APLP2: variants seen among roughly 807,000 people sequenced by gnomAD.
APLP2 encodes amyloid beta precursor like protein 2, also known as CDEI box-binding protein.
In APLP2, 53 loss-of-function variants were observed where a neutral mutation model predicts 89.9. The observed-to-expected ratio is 0.59, with a 90% CI of 0.47 to 0.74. APLP2 has a LOEUF of 0.74. APLP2 is among the 30% of genes least tolerant of loss of function. APLP2 has a pLI of 0.00. For synonymous variants in APLP2, 372 were observed against 348.6 expected (o/e 1.07, Z -0.75); for missense variants, 973 against 975.9 (o/e 1.00, Z 0.04).
At chr11:130,082,179 ATT>A (rs79862906) in intron 1 of APLP2, among the ~76,000 whole-genome samples, 2 of 147,808 alleles carry the variant, frequency 1.4e-5, no homozygotes, top group African/African-American at 2.5e-5. Flanking sequence ...TCAAAACTTC[ATT>A]TTTTTTTTTG....
chr11:130,117,270 GAATT>G (rs1489918353), intron 3 of APLP2, among the ~76,000 whole-genome samples: 1 of 152,174 alleles, frequency 6.6e-6, no homozygotes, highest in East Asian at 1.9e-4. Context: ...GTTTAGCATG[GAATT>G]AATTATTTTA....
At chr11:130,087,841 A>G (rs1439095839) in intron 1 of APLP2, among the ~76,000 whole-genome samples, 1 of 152,218 alleles carries the variant, frequency 6.6e-6, no homozygotes, top group Non-Finnish European at 1.5e-5. Context: ...CATTAAAAAA[A>G]ATCCTGCTGG....
intron 1 of APLP2, among the ~76,000 whole-genome samples, chr11:130,099,182 T>C (rs1341756833): frequency 2.0e-5 from 3 of 152,204 alleles, no homozygotes; most frequent in African/African-American, 4.8e-5. Flanking sequence ...GTATGAGAAA[T>C]GTCTGGTTTG....
intron 1 of APLP2, among the ~76,000 whole-genome samples, chr11:130,097,057 ATTTACT>A (rs1362938437): frequency 1.3e-5 from 2 of 152,206 alleles, no homozygotes; most frequent in African/African-American, 4.8e-5. Flanking sequence ...ATACAGTCTG[ATTTACT>A]TTTAAATTTA....
rs1295534368 is a variant in APLP2, at chr11:130,070,354, A to G, written c.105+272A>G. On this transcript the variant is annotated intron_variant, in intron 1 of 16. Coordinates refer to ENST00000338167, the MANE Select transcript of APLP2 (RefSeq NM_001142276.2). Reference sequence around the variant, plus strand: ...GTCCGCCTCGGCCGACCCAGCCCCCAACCCGCCCGCGGCGCCGCCACCTCC... The same window carrying G: ...GTCCGCCTCGGCCGACCCAGCCCCCGACCCGCCCGCGGCGCCGCCACCTCC... 2.6e-5 allele frequency among the ~76,000 whole-genome samples: 4 copies of G among 151,030 alleles called. No individual in the cohort carries two copies. The East Asian group carries it at 7.8e-4, about 30-fold the overall frequency.
rs762251511 is a variant in APLP2, at chr11:130,121,599, G to T, written c.517-15G>T. 9 of 1,609,042 alleles carry T rather than the reference G, an allele frequency of 5.6e-6. No individual in the cohort carries two copies. Among genetic ancestry groups the T allele is most frequent in the Non-Finnish European group, 7.6e-6 (9 of 1,176,658 alleles). ...TCTGGAGTATGTTCTGATGTGGCCT[G>T]TGGGTTTCTTTTAGGCATGTCTGAC... On this transcript the variant is annotated splice_polypyrimidine_tract_variant and intron_variant, in intron 4 of 16. Coordinates refer to ENST00000338167, the MANE Select transcript of APLP2 (RefSeq NM_001142276.2).
At chr11:130,130,660 A>T (rs967518059) in intron 11 of APLP2, among the ~76,000 whole-genome samples, 4 of 152,216 alleles carry the variant, frequency 2.6e-5, no homozygotes, top group African/African-American at 9.6e-5. Flanking sequence ...TGTATTCATA[A>T]AAATGAGCTT....
At chr11:130,095,319 C>T (rs1160137054) in intron 1 of APLP2, among the ~76,000 whole-genome samples, 1 of 152,230 alleles carries the variant, frequency 6.6e-6, no homozygotes, top group Non-Finnish European at 1.5e-5. Flanking sequence ...CTGCAGTGAC[C>T]TATCATTGCA....
intron 16 of APLP2, among the ~76,000 whole-genome samples, chr11:130,142,747 G>C (rs1256277269): frequency 6.6e-6 from 1 of 152,142 alleles, no homozygotes; most frequent in Non-Finnish European, 1.5e-5. Flanking sequence ...CCACCTAGCT[G>C]AGACTACAGG....
intron 1 of APLP2, among the ~76,000 whole-genome samples, chr11:130,079,909 C>T (rs948369845): frequency 1.3e-5 from 2 of 152,088 alleles, no homozygotes; most frequent in Non-Finnish European, 2.9e-5. Context: ...TCTAAGTTTG[C>T]CAAAGATTCT....
chr11:130,109,898 C>T (rs976402130), intron 2 of APLP2: 1 of 306,556 alleles, frequency 3.3e-6, no homozygotes, highest in South Asian at 9.0e-5. Flanking sequence ...AGATGGAAAA[C>T]AAAACATGTC....
rs369862648 is a variant in APLP2 at position 130,072,074 on chromosome 11, C to T, written c.105+1992C>T. 4.6e-5 allele frequency among the ~76,000 whole-genome samples: 7 copies of T among 152,300 alleles called. No individual in the cohort carries two copies. In the East Asian group the frequency reaches 1.4e-3, roughly 29 times the overall value. Reference sequence around the variant, plus strand: ...GGCACAGAATTATTGATTGGCAAATCTTTAGTGTTGCTTGGTGTTGACTGA... The same window carrying T: ...GGCACAGAATTATTGATTGGCAAATTTTTAGTGTTGCTTGGTGTTGACTGA... On this transcript the variant is annotated intron_variant, in intron 1 of 16. Coordinates refer to ENST00000338167, the MANE Select transcript of APLP2 (RefSeq NM_001142276.2).
intron 2 of APLP2, chr11:130,109,928 A>G (rs1383889815): frequency 8.0e-6 from 2 of 250,220 alleles, no homozygotes; most frequent in Non-Finnish European, 1.5e-5. Flanking sequence ...ACAGAAAGCC[A>G]CCAGTATTGT....
At chr11:130,091,085 G>A (rs1944997974) in intron 1 of APLP2, among the ~76,000 whole-genome samples, 1 of 142,168 alleles carries the variant, frequency 7.0e-6, no homozygotes, top group Non-Finnish European at 1.5e-5. Context: ...CTGGCCGGGC[G>A]GGGGGCTGAC....
In APLP2 at chr11:130,137,831, A is replaced by G. The variant is rs76673493; in HGVS notation, c.1837+2116A>G. The stretch of plus-strand genomic sequence containing the variant: ...CCAATGGATCAAACAGCTGGAGACA[A>G]CCCAGCTCACTGTACTGAGTCTCCA... On this transcript the variant is annotated intron_variant, in intron 13 of 16. Transcript: ENST00000338167. 8.1e-4 allele frequency among the ~76,000 whole-genome samples: 123 copies of G among 152,244 alleles called. No homozygotes were observed. The East Asian group carries it at 0.022, about 27-fold the overall frequency.
chr11:130,089,750 A>G (rs937470636), intron 1 of APLP2, among the ~76,000 whole-genome samples: 1 of 152,252 alleles, frequency 6.6e-6, no homozygotes, highest in East Asian at 1.9e-4. Context: ...AGGCACTAAC[A>G]AAGGGCCTGT....
intron 1 of APLP2, among the ~76,000 whole-genome samples, chr11:130,097,486 G>A (rs1946362014): frequency 6.6e-6 from 1 of 152,180 alleles, no homozygotes; most frequent in African/African-American, 2.4e-5. Context: ...TTGAGGCTGG[G>A]AGTACAAGAC....
At position 130,135,672 on chromosome 11, in the gene APLP2, G is replaced by A. The variant is rs140319879; in HGVS notation, c.1794G>A (p.Pro598=). Reference sequence around the variant, plus strand: ...CTGAGGAGAGTGAGGAGATCCCACCGTTCCACCCCTTCCACCCCTTCCCAG... The same window carrying A: ...CTGAGGAGAGTGAGGAGATCCCACCATTCCACCCCTTCCACCCCTTCCCAG... ...VSSEESEEIP[P]FHPFHPFPAL... is the part of the protein sequence containing the mutation. Residue 598 remains proline, a synonymous_variant, in exon 13 of 17, where the codon CCG becomes CCA. Coordinates refer to ENST00000338167, the MANE Select transcript of APLP2 (RefSeq NM_001142276.2). 24 of 1,614,024 alleles carry A rather than the reference G, an allele frequency of 1.5e-5. No homozygotes were observed. Among genetic ancestry groups the A allele is most frequent in the South Asian group, 5.5e-5 (5 of 91,076 alleles).
At chr11:130,128,049 A>C (rs1405670536) in intron 9 of APLP2, among the ~76,000 whole-genome samples, 3 of 152,224 alleles carry the variant, frequency 2.0e-5, no homozygotes, top group Admixed American at 2.0e-4. Context: ...AGCACACCTA[A>C]TTCATGCCAG....
Sources: allele counts gnomAD v4.1 joint callset (sites outside exome capture counted in the v4.1 genomes callset), GRCh38; gene constraint gnomAD v4.1.1; transcripts MANE v1.5; gene names NCBI Gene and HGNC (gene_info 2026-07-23, HGNC 2026-07-21).